The following RBL2 variants were observed in gnomAD, a reference collection of about 807,000 sequenced individuals.
RBL2 encodes retinoblastoma-like protein 2.
In RBL2, 56 loss-of-function variants were observed where a neutral mutation model predicts 126.0. The ratio of observed to expected loss-of-function variants is 0.44; its 90% CI spans 0.36 to 0.56. The LOEUF (loss-of-function observed/expected upper bound fraction) is 0.56, where lower values mean the gene tolerates loss of function less well. Among genes scored for constraint, RBL2 ranks in the 20% least tolerant of loss-of-function variants. The pLI, the probability that RBL2 is intolerant of heterozygous loss-of-function variation, is 0.00. For missense variants in RBL2, 1,229 were observed against 1,398.2 expected (o/e 0.88, Z 1.93); for synonymous variants, 454 against 478.5 (o/e 0.95, Z 0.67).
chr16:53,479,079 G>A (rs772770068), intron 17 of RBL2, 75 bp from the exon 18 acceptor site: 12 of 1,174,446 alleles, frequency 1.0e-5, no homozygotes, highest in East Asian at 2.3e-5. Context: ...TTACTGGGCA[G>A]CAGGTTCACA....
intron 21 of RBL2, among the ~76,000 whole-genome samples, chr16:53,483,985 T>A (rs1249490372): frequency 1.4e-5 from 2 of 146,634 alleles, no homozygotes; most frequent in East Asian, 3.9e-4. Context: ...TTTATAAAAC[T>A]TATGAAAACT....
At chr16:53,472,465 TATC>T (rs1960558847) in intron 17 of RBL2, among the ~76,000 whole-genome samples, 1 of 152,212 alleles carries the variant, frequency 6.6e-6, no homozygotes, top group Non-Finnish European at 1.5e-5. Context: ...TTGGGTGATA[TATC>T]ATTGTGGTTT....
At chr16:53,449,798 G>A (rs192803451) in intron 4 of RBL2, among the ~76,000 whole-genome samples, 1 of 152,042 alleles carries the variant, frequency 6.6e-6, no homozygotes, top group East Asian at 1.9e-4. Context: ...TGTTATCTTT[G>A]TTGATTAAAA....
Position 53,449,933 on chromosome 16 carries a change from T to A in RBL2, c.638-1770T>A, listed in dbSNP as rs544249393. ...TTCTGATCTTTAGGGGCATTTCAGC[T>A]TTTTATTAGATGTTACAGTACTGCC... is the stretch of plus-strand genomic sequence containing the variant. On this transcript the variant is annotated intron_variant, in intron 4 of 21. Transcript: ENST00000262133. Among the ~76,000 whole-genome samples the A allele has an allele frequency of 4.6e-5, 7 of 151,722 alleles. No individual in the cohort carries two copies. In the South Asian group the frequency reaches 1.5e-3, roughly 31 times the overall value.
At chr16:53,452,199 T>TA (rs1449946597) in intron 5 of RBL2, among the ~76,000 whole-genome samples, 1 of 152,226 alleles carries the variant, frequency 6.6e-6, no homozygotes, top group Non-Finnish European at 1.5e-5. Flanking sequence ...GAAAGAATCT[T>TA]ACTTCAAATT....
At chr16:53,485,961 C>G (rs78599203) in intron 21 of RBL2, among the ~76,000 whole-genome samples, 6,149 of 151,930 alleles carry the variant, frequency 0.04, 388 homozygotes, top group African/African-American at 0.14. Flanking sequence ...TGACACATTA[C>G]TAGTATACAT....
At chr16:53,469,887 A>G (rs1229941811) in intron 14 of RBL2, 29 bp from the exon 15 acceptor site, 3 of 1,510,514 alleles carry the variant, frequency 2.0e-6, no homozygotes, top group African/African-American at 1.4e-5. Flanking sequence ...CTTGAGTTAA[A>G]TGCTTTGTTT....
At chr16:53,441,401 T>C (rs1379569270) in intron 2 of RBL2, among the ~76,000 whole-genome samples, 1 of 152,216 alleles carries the variant, frequency 6.6e-6, no homozygotes, top group Non-Finnish European at 1.5e-5. Context: ...AAGAAACTCC[T>C]GCACACATGT....
At chr16:53,480,884 T>A in intron 20 of RBL2, 115 bp downstream of exon 20, 1 of 1,036,324 alleles carries the variant, frequency 9.6e-7, no homozygotes, top group Non-Finnish European at 1.4e-6. Flanking sequence ...TTTGGCCAGG[T>A]GTGGTGGCTC....
intron 17 of RBL2, among the ~76,000 whole-genome samples, chr16:53,471,442 A>C (rs922595477): frequency 1.3e-5 from 2 of 152,114 alleles, no homozygotes; most frequent in Non-Finnish European, 2.9e-5. Context: ...TATTGAGGAG[A>C]AATTCACATA....
intron 9 of RBL2, 85 bp downstream of exon 9, chr16:53,459,702 T>G (rs938090767): frequency 7.8e-7 from 1 of 1,289,006 alleles, no homozygotes; most frequent in South Asian, 1.7e-5. Context: ...ATGCCTTAAT[T>G]CACCCATGAA....
At chr16:53,487,488 A>T (rs1237669793) in intron 21 of RBL2, 2 of 152,234 alleles carry the variant, frequency 1.3e-5, no homozygotes. Context: ...GGATGTGCAT[A>T]TAACAAAATA....
Position 53,457,550 on chromosome 16 carries a change from T to A in RBL2, c.1180-1901T>A, listed in dbSNP as rs190427709. Among the ~76,000 whole-genome samples the A allele has an allele frequency of 6.0e-3, 909 of 152,102 alleles. 7 individuals carry two copies. Among genetic ancestry groups the A allele is most frequent in the Non-Finnish European group, 9.5e-3 (643 of 67,966 alleles). ...CTGGGATTATAGGCGTGAGCCACCATGCCCAGCCGTAGATGGCTTTTAAAG... is the reference window on the plus strand; with the variant it reads ...CTGGGATTATAGGCGTGAGCCACCAAGCCCAGCCGTAGATGGCTTTTAAAG... On this transcript the variant is annotated intron_variant, in intron 8 of 21. Transcript: ENST00000262133.
chr16:53,453,050 A>T (rs899418781), intron 5 of RBL2, among the ~76,000 whole-genome samples: 1 of 152,180 alleles, frequency 6.6e-6, no homozygotes, highest in Non-Finnish European at 1.5e-5. Context: ...TATGAAATAC[A>T]TCTAATACAT....
At chr16:53,442,926 GT>G (rs887232156) in intron 3 of RBL2, 68 bp downstream of exon 3, 483 of 1,003,040 alleles carry the variant, frequency 4.8e-4, no homozygotes, top group South Asian at 8.3e-4. Context: ...ATTCTGCTAG[GT>G]TTTTTTTTTC....
intron 13 of RBL2, among the ~76,000 whole-genome samples, chr16:53,466,272 T>G (rs1413529234): frequency 6.6e-6 from 1 of 152,154 alleles, no homozygotes; most frequent in African/African-American, 2.4e-5. Flanking sequence ...CAAGTTTCTT[T>G]CCCATAGAGC....
intron 4 of RBL2, among the ~76,000 whole-genome samples, chr16:53,450,381 C>A (rs530086366): frequency 1.3e-5 from 2 of 151,778 alleles, no homozygotes; most frequent in African/African-American, 4.8e-5. Context: ...CTTGGGTAGG[C>A]GTTAAGTGTG....
intron 1 of RBL2, among the ~76,000 whole-genome samples, chr16:53,436,445 G>A (rs1216776863): frequency 6.6e-6 from 1 of 152,156 alleles, no homozygotes. Context: ...AGTTTATTCA[G>A]TAAATGATTT....
In RBL2 at chr16:53,461,620, A is replaced by C. The variant is rs1598108254; in HGVS notation, c.1347-121A>C. ...TGGGATCTCTTGGATTAATTTGGGAAGTGTATAGTTTCTGTTCAGAGTGTT... is the reference window on the plus strand; with the variant it reads ...TGGGATCTCTTGGATTAATTTGGGACGTGTATAGTTTCTGTTCAGAGTGTT... On this transcript the variant is annotated intron_variant, in intron 9 of 21. Transcript: ENST00000262133. The C allele has an allele frequency of 7.2e-6, 4 of 555,746 alleles. No individual in the cohort carries two copies. In the East Asian group the frequency reaches 1.4e-4, roughly 19 times the overall value. The allele number at this position is 555,746 out of a possible 1,614,324, so 34.4% of individuals were successfully genotyped here.
Sources: gnomAD v4.1 joint callset for allele counts (sites outside exome capture counted in the v4.1 genomes callset) on GRCh38, gnomAD v4.1.1 for gene constraint, MANE v1.5 for transcripts, NCBI Gene and HGNC (gene_info 2026-07-23, HGNC 2026-07-21) for gene names.